Variants in CCDC102B observed in about 807,000 individuals in gnomAD.
CCDC102B encodes coiled-coil domain containing 102B.
CCDC102B carries 75 observed loss-of-function variants against 57.4 expected under a neutral mutation model. That is an observed-to-expected ratio of 1.31 (90% CI 1.08 to 1.58). CCDC102B has a LOEUF of 1.58. Ranked by LOEUF, CCDC102B falls within the 40% of genes most tolerant of loss-of-function variation. The probability of loss-of-function intolerance (pLI) is 0.00; values close to 1 mark genes in which losing one functional copy is unlikely to be tolerated. For synonymous variants in CCDC102B, 206 were observed against 201.9 expected, an observed-to-expected ratio of 1.02 and a Z score of -0.17; for missense variants, 636 against 582.6, an observed-to-expected ratio of 1.09 and a Z score of -0.94.
At chr18:68,770,544 T>A (rs1382536113) in intron 2 of CCDC102B, among the ~76,000 whole-genome samples, 1 of 152,104 alleles carries the variant, frequency 6.6e-6, no homozygotes, top group African/African-American at 2.4e-5. Context: ...GGATGCATCC[T>A]CCTACCTCAG....
intron 6 of CCDC102B, among the ~76,000 whole-genome samples, chr18:68,946,958 G>A (rs2145185731): frequency 6.6e-6 from 1 of 152,000 alleles, no homozygotes; most frequent in East Asian, 1.9e-4. Flanking sequence ...AACAGCAAGT[G>A]TCTTATAATA....
At chr18:68,931,196 G>A (rs976447749) in intron 6 of CCDC102B, among the ~76,000 whole-genome samples, 2 of 151,670 alleles carry the variant, frequency 1.3e-5, no homozygotes, top group African/African-American at 4.8e-5. Flanking sequence ...ATTTTTGTTT[G>A]TTTGTTTTAT....
At chr18:68,828,519 T>TA (rs1194191855) in intron 1 of CCDC102B, among the ~76,000 whole-genome samples, 1 of 150,520 alleles carries the variant, frequency 6.6e-6, no homozygotes, top group Non-Finnish European at 1.5e-5. Context: ...GCTAAGAAAA[T>TA]AAAAAAATAC....
At chr18:68,715,757 T>A (rs1240198848) in intron 1 of CCDC102B, 1 of 152,238 alleles carries the variant, frequency 6.6e-6, no homozygotes, top group Non-Finnish European at 1.5e-5. Flanking sequence ...TTTTTTCTTC[T>A]ATACGACAAT....
Position 69,054,168 on chromosome 18 carries a change from T to C in CCDC102B, c.*31T>C, listed in dbSNP as rs773069140. The C allele has an allele frequency of 3.2e-6, 5 of 1,565,814 alleles. No homozygotes were observed. The East Asian group carries it at 1.2e-4, about 36-fold the overall frequency. ...TCACAAAATATGCTGAATTAAAGAT[T>C]AGGGCCTTAAAGACATTTCCATATC... On this transcript the variant is annotated 3_prime_UTR_variant, in exon 8 of 8. Coordinates refer to ENST00000360242, the MANE Select transcript of CCDC102B (RefSeq NM_024781.3).
chr18:68,744,461 A>T (rs2033533631), intron 2 of CCDC102B, among the ~76,000 whole-genome samples: 1 of 152,192 alleles, frequency 6.6e-6, no homozygotes, highest in South Asian at 2.1e-4. Flanking sequence ...TATAACACAG[A>T]GAAAGTGAAG....
At chr18:68,798,682 T>C (rs2035724222) in intron 1 of CCDC102B, among the ~76,000 whole-genome samples, 1 of 152,154 alleles carries the variant, frequency 6.6e-6, no homozygotes, top group Admixed American at 6.6e-5. Context: ...TAATGGAAAG[T>C]ATATTTCAAA....
At chr18:68,810,683 T>TG (rs1568263197) in intron 1 of CCDC102B, among the ~76,000 whole-genome samples, 1,461 of 7,598 alleles carry the variant, frequency 0.19, 51 homozygotes, top group South Asian at 0.3. Flanking sequence ...TTTCTTTGTT[T>TG]TTTTTTTTTT....
intron 6 of CCDC102B, among the ~76,000 whole-genome samples, chr18:68,976,876 A>G (rs983657796): frequency 8.6e-5 from 13 of 151,976 alleles, no homozygotes; most frequent in East Asian, 1.9e-4. Flanking sequence ...AGAGGATTTC[A>G]TTATGATCCA....
chr18:68,870,257 T>G (rs2039185933), intron 4 of CCDC102B, among the ~76,000 whole-genome samples: 2 of 152,104 alleles, frequency 1.3e-5, no homozygotes, highest in Non-Finnish European at 2.9e-5. Context: ...GCTTAAAACC[T>G]AGATGACGGG....
chr18:69,019,091 T>C (rs528251421), intron 7 of CCDC102B, among the ~76,000 whole-genome samples: 2 of 152,112 alleles, frequency 1.3e-5, no homozygotes, highest in African/African-American at 2.4e-5. Context: ...CATATATGTG[T>C]TTGTTTTTAT....
chr18:68,980,129 T>C (rs2050539944), intron 6 of CCDC102B, among the ~76,000 whole-genome samples: 1 of 151,938 alleles, frequency 6.6e-6, no homozygotes, highest in Non-Finnish European at 1.5e-5. Context: ...TGCTTCCCGG[T>C]TGTATCTAAA....
At chr18:68,910,741 A>T (rs539326209) in intron 6 of CCDC102B, among the ~76,000 whole-genome samples, 2 of 152,304 alleles carry the variant, frequency 1.3e-5, no homozygotes, top group African/African-American at 4.8e-5. Context: ...TTGGCTCTTT[A>T]TTCACATTAT....
chr18:68,882,632 C>T (rs761080536), intron 5 of CCDC102B, among the ~76,000 whole-genome samples: 2 of 152,298 alleles, frequency 1.3e-5, no homozygotes, highest in African/African-American at 2.4e-5. Context: ...TTCATTTAAA[C>T]GTTTTTTCTC....
intron 1 of CCDC102B, among the ~76,000 whole-genome samples, chr18:68,824,853 T>C (rs1456740614): frequency 2.0e-5 from 3 of 152,172 alleles, no homozygotes; most frequent in Admixed American, 6.5e-5. Flanking sequence ...TCTGAAAAAT[T>C]TCTTTGTCTA....
chr18:68,966,479 G>T (rs1159202832), intron 6 of CCDC102B, among the ~76,000 whole-genome samples: 1 of 152,110 alleles, frequency 6.6e-6, no homozygotes, highest in Non-Finnish European at 1.5e-5. Flanking sequence ...TTATTGCTAT[G>T]GTTACCCTGT....
intron 6 of CCDC102B, among the ~76,000 whole-genome samples, chr18:68,904,393 G>A (rs1226416696): frequency 6.6e-6 from 1 of 152,194 alleles, no homozygotes; most frequent in Non-Finnish European, 1.5e-5. Context: ...TGTAGGTCCT[G>A]CGTAAATTCA....
chr18:68,816,561 A>G (rs982480744), intron 1 of CCDC102B, among the ~76,000 whole-genome samples: 23 of 141,504 alleles, frequency 1.6e-4, no homozygotes, highest in African/African-American at 5.7e-4. Flanking sequence ...CGCCTCTCGG[A>G]TTCACGCCAT....
intron 7 of CCDC102B, among the ~76,000 whole-genome samples, chr18:69,048,259 T>A (rs1464916118): frequency 6.6e-6 from 1 of 151,382 alleles, no homozygotes; most frequent in Non-Finnish European, 1.5e-5. Flanking sequence ...GGTGAGAAGA[T>A]GAAAATGTAA....
Sources: allele counts gnomAD v4.1 joint callset (sites outside exome capture counted in the v4.1 genomes callset), GRCh38; gene constraint gnomAD v4.1.1; transcripts MANE v1.5; gene names NCBI Gene and HGNC (gene_info 2026-07-23, HGNC 2026-07-21).